The following OSBPL9 variants were observed in gnomAD, a reference collection of about 807,000 sequenced individuals.
OSBPL9 encodes the protein oxysterol binding protein like 9.
OSBPL9 carries 40 observed loss-of-function variants against 106.6 expected under a neutral mutation model. The observed-to-expected ratio is 0.38, with a 90% CI of 0.29 to 0.49. The LOEUF is 0.49. OSBPL9 is among the 20% of genes least tolerant of loss of function. The pLI, the probability that OSBPL9 is intolerant of heterozygous loss-of-function variation, is 0.97. For missense variants in OSBPL9, 609 were observed against 887.2 expected (o/e 0.69, Z 3.98); for synonymous variants, 269 against 295.4 (o/e 0.91, Z 0.92).
chr1:51,561,979 G>GA, the OSBPL9 span: 2 of 152,298 alleles, frequency 1.3e-5, no homozygotes, highest in East Asian at 3.9e-4. Context: ...ATTTTGGGAT[G>GA]AATCTACTCC....
At chr1:51,770,562 G>C (rs1290113005) in intron 12 of OSBPL9, among the ~76,000 whole-genome samples, 1 of 152,188 alleles carries the variant, frequency 6.6e-6, no homozygotes, top group Non-Finnish European at 1.5e-5. Flanking sequence ...ACAGGCGTGA[G>C]CCATCATGCC....
the OSBPL9 span, chr1:51,567,715 C>T: frequency 3.3e-5 from 5 of 152,200 alleles, no homozygotes; most frequent in African/African-American, 1.2e-4. Context: ...TAAAATGCAT[C>T]TCCTTCCCCC....
chr1:51,590,576 C>T (rs1645269620), intron 1 of OSBPL9, among the ~76,000 whole-genome samples: 1 of 144,880 alleles, frequency 6.9e-6, no homozygotes, highest in African/African-American at 2.6e-5. Flanking sequence ...GCCGAGATCG[C>T]GCCATTGCAC....
the OSBPL9 span, among the ~76,000 whole-genome samples, chr1:51,552,574 C>CAAAA: frequency 3.9e-5 from 6 of 152,142 alleles, no homozygotes; most frequent in African/African-American, 1.4e-4. Context: ...TAAAACAAGA[C>CAAAA]AAAACCAGAC....
intron 3 of OSBPL9, among the ~76,000 whole-genome samples, chr1:51,703,782 T>C: frequency 6.6e-6 from 1 of 152,224 alleles, no homozygotes; most frequent in Non-Finnish European, 1.5e-5. Context: ...GGGTTTGTCA[T>C]AGATCTTACT....
At chr1:51,543,010 A>G in the OSBPL9 span, among the ~76,000 whole-genome samples, 3 of 152,204 alleles carry the variant, frequency 2.0e-5, no homozygotes, top group African/African-American at 4.8e-5. Context: ...TAAATCCTTC[A>G]TGTGTAAAAA....
intron 4 of OSBPL9, among the ~76,000 whole-genome samples, chr1:51,733,680 C>A (rs1235937133): frequency 6.6e-6 from 1 of 151,908 alleles, no homozygotes; most frequent in Non-Finnish European, 1.5e-5. Flanking sequence ...GGGGCTGAGG[C>A]AGGAGAATTG....
chr1:51,713,125 T>G (rs1299264439), intron 3 of OSBPL9, among the ~76,000 whole-genome samples: 1 of 152,012 alleles, frequency 6.6e-6, no homozygotes, highest in Non-Finnish European at 1.5e-5. Flanking sequence ...TGTGGTTGGT[T>G]TTTTTTGTTT....
intron 3 of OSBPL9, among the ~76,000 whole-genome samples, chr1:51,713,451 GT>G (rs905344567): frequency 1.7e-4 from 25 of 151,510 alleles, no homozygotes; most frequent in South Asian, 1.0e-3. Flanking sequence ...CACCCAGCCA[GT>G]TTTTTTTTGT....
intron 4 of OSBPL9, among the ~76,000 whole-genome samples, chr1:51,715,536 G>A (rs957221466): frequency 2.0e-5 from 3 of 151,964 alleles, no homozygotes; most frequent in Admixed American, 1.3e-4. Context: ...CCTCCACCCC[G>A]TGCGTTCTAG....
intron 4 of OSBPL9, among the ~76,000 whole-genome samples, chr1:51,735,478 A>G (rs576567473): frequency 1.6e-4 from 25 of 152,202 alleles, no homozygotes; most frequent in African/African-American, 5.8e-4. Context: ...TCCAAATCCT[A>G]CACTCTAAAT....
At chr1:51,590,768 G>A (rs1053331639) in intron 1 of OSBPL9, among the ~76,000 whole-genome samples, 4 of 151,134 alleles carry the variant, frequency 2.6e-5, no homozygotes, top group Non-Finnish European at 5.9e-5. Context: ...TTTTTTTTCC[G>A]AGACAGGGTC....
At chr1:51,591,693 G>A (rs1377224568) in intron 1 of OSBPL9, among the ~76,000 whole-genome samples, 1 of 152,170 alleles carries the variant, frequency 6.6e-6, no homozygotes, top group East Asian at 1.9e-4. Flanking sequence ...CTCGGGAGCT[G>A]AGGCAGAAGA....
chr1:51,725,594 CA>C (rs879531380), intron 4 of OSBPL9, among the ~76,000 whole-genome samples: 25 of 152,160 alleles, frequency 1.6e-4, no homozygotes, highest in Non-Finnish European at 3.2e-4. Context: ...GAAACATTTT[CA>C]GTCTGTTAGT....
chr1:51,543,122 A>G, the OSBPL9 span, among the ~76,000 whole-genome samples: 1 of 152,236 alleles, frequency 6.6e-6, no homozygotes, highest in African/African-American at 2.4e-5. Context: ...TGAAAACATA[A>G]GGCCTGGAGA....
chr1:51,787,116 C>T (rs534859468), intron 22 of OSBPL9, among the ~76,000 whole-genome samples: 64 of 152,306 alleles, frequency 4.2e-4, no homozygotes, highest in African/African-American at 1.5e-3. Flanking sequence ...TATTCTTTTT[C>T]TTCTGTTGAC....
At chr1:51,779,874 G>A (rs1303027807) in intron 15 of OSBPL9, among the ~76,000 whole-genome samples, 1 of 152,034 alleles carries the variant, frequency 6.6e-6, no homozygotes, top group Non-Finnish European at 1.5e-5. Context: ...TCAGGAGAGT[G>A]AGACCATCCT....
At chr1:51,629,125 T>C (rs983611542) in intron 1 of OSBPL9, among the ~76,000 whole-genome samples, 1 of 152,216 alleles carries the variant, frequency 6.6e-6, no homozygotes, top group Middle Eastern at 3.2e-3. Flanking sequence ...TTCATTCATA[T>C]GTCACTGCTC....
At chr1:51,557,329 T>C in the OSBPL9 span, among the ~76,000 whole-genome samples, 1 of 152,248 alleles carries the variant, frequency 6.6e-6, no homozygotes, top group Non-Finnish European at 1.5e-5. Flanking sequence ...CTTCTGCATC[T>C]TTAAGATATT....
Sources: gnomAD v4.1 joint callset for allele counts (sites outside exome capture counted in the v4.1 genomes callset) on GRCh38, gnomAD v4.1.1 for gene constraint, MANE v1.5 for transcripts, NCBI Gene and HGNC (gene_info 2026-07-23, HGNC 2026-07-21) for gene names.